PSORS1C1: variants seen among roughly 807,000 people sequenced by gnomAD.
PSORS1C1 encodes the protein psoriasis susceptibility 1 candidate gene 1 protein.
A neutral mutation model predicts 9.4 loss-of-function variants in PSORS1C1; 7 were observed. That is an observed-to-expected ratio of 0.75 (90% CI 0.42 to 1.40). The LOEUF (loss-of-function observed/expected upper bound fraction) is 1.40. Ranked by LOEUF, PSORS1C1 falls within the 40% of genes most tolerant of loss-of-function variation. The pLI is 0.01. For synonymous variants in PSORS1C1, 63 were observed against 69.4 expected, an observed-to-expected ratio of 0.91 and a Z score of 0.46; for missense variants, 146 against 178.1, an observed-to-expected ratio of 0.82 and a Z score of 1.02.
chr6:31,128,123 G>A lies in PSORS1C1; in HGVS notation c.-64-1446G>A, dbSNP rs1437510544. 6.6e-6 allele frequency among the ~76,000 whole-genome samples: 1 copy of A among 152,222 alleles called. No homozygotes were observed. The highest frequency in any genetic ancestry group is 1.5e-5 in the Non-Finnish European group (1 of 68,034). ...CCTGAATTTTCCTGAGGGCTTCAGA[G>A]CCTGTCTCGCCTCGCCTCACATGCC... On this transcript the variant is annotated intron_variant, in intron 2 of 5. Coordinates refer to ENST00000259881, the MANE Select transcript of PSORS1C1 (RefSeq NM_014068.3). This position sits in a 1 kb window ranked among gnomAD's most constrained non-coding sequence, Gnocchi z 4.3.
intron 3 of PSORS1C1, among the ~76,000 whole-genome samples, chr6:31,136,423 A>G (rs1477076553): frequency 1.3e-5 from 2 of 151,832 alleles, no homozygotes; most frequent in African/African-American, 4.8e-5. Flanking sequence ...AAGAAAATGA[A>G]TCTCTTAATG....
At chr6:31,122,012 G>A (rs1235833346) in intron 1 of PSORS1C1, among the ~76,000 whole-genome samples, 2 of 152,164 alleles carry the variant, frequency 1.3e-5, no homozygotes, top group African/African-American at 4.8e-5. Context: ...AGAGAGGAAG[G>A]GATAGGACAG....
chr6:31,128,862 A>G lies in PSORS1C1; in HGVS notation c.-64-707A>G, dbSNP rs1055901001. Among the ~76,000 whole-genome samples the G allele has an allele frequency of 6.6e-6, 1 of 152,180 alleles. No homozygotes were observed. Among genetic ancestry groups the G allele is most frequent in the African/African-American group, 2.4e-5 (1 of 41,430 alleles). On this transcript the variant is annotated intron_variant, in intron 2 of 5. Coordinates refer to ENST00000259881, the MANE Select transcript of PSORS1C1 (RefSeq NM_014068.3). The surrounding 1 kb of genome is among the most constrained non-coding windows in gnomAD (Gnocchi z 4.3). ...ATCAAATTTTATTGTCATGATGTAT[A>G]TGTTTGTCCTCCCTAAACACAGAGC...
chr6:31,137,084 G>T (rs1477490301), intron 3 of PSORS1C1, among the ~76,000 whole-genome samples: 2 of 151,134 alleles, frequency 1.3e-5, no homozygotes, highest in Non-Finnish European at 3.0e-5. Context: ...GGAGGCGGAG[G>T]TTGCAGTGAG....
At chr6:31,119,934 A>G (rs1660126249) in intron 1 of PSORS1C1, among the ~76,000 whole-genome samples, 1 of 152,074 alleles carries the variant, frequency 6.6e-6, no homozygotes, top group African/African-American at 2.4e-5. Context: ...AAAAGTTCTA[A>G]TATATAATCC....
Position 31,139,368 on chromosome 6 carries a change from T to C in PSORS1C1, c.168-273T>C, listed in dbSNP as rs539935873. Reference sequence around the variant, plus strand: ...GTAATCACAGAGATGTCCACCTTCATCCCTTGCAACTATTGGAAGCCAAAG... The same window carrying C: ...GTAATCACAGAGATGTCCACCTTCACCCCTTGCAACTATTGGAAGCCAAAG... On this transcript the variant is annotated intron_variant, in intron 5 of 5. Transcript: ENST00000259881. This position sits in a 1 kb window ranked among gnomAD's most constrained non-coding sequence, Gnocchi z 5.2. 1.7e-6 allele frequency: 1 copy of C among 590,418 alleles called. No individual in the cohort carries two copies. Among genetic ancestry groups the C allele is most frequent in the Non-Finnish European group, 3.0e-6 (1 of 331,328 alleles). 36.6% of individuals were successfully genotyped at this position (590,418 alleles called of 1,614,324 possible).
Position 31,139,698 on chromosome 6 carries a change from G to A in PSORS1C1, c.225G>A (p.Gln75=). The change falls in exon 6 of 6, where the codon CAG becomes CAA. Residue 75 remains glutamine (Q), a synonymous_variant. Transcript: ENST00000259881. This position sits in a 1 kb window ranked among gnomAD's most constrained non-coding sequence, Gnocchi z 5.2. ...AGGAATTCCATCTGGCAGCCACCCA[G>A]GATGACTGCAGAAAAGGAAGGACAC... The part of the protein sequence containing the change: ...ISKEFHLAAT[Q]DDCRKGRTQE... The A allele has an allele frequency of 6.2e-7, 1 of 1,613,016 alleles. No individual in the cohort carries two copies. Among genetic ancestry groups the A allele is most frequent in the South Asian group, 1.1e-5 (1 of 91,080 alleles).
intron 2 of PSORS1C1, among the ~76,000 whole-genome samples, chr6:31,126,839 TAGGGC>T (rs1370464128): frequency 6.8e-6 from 1 of 147,190 alleles, no homozygotes; most frequent in Non-Finnish European, 1.5e-5. Flanking sequence ...GAGTCAGCTG[TAGGGC>T]AGTCGCTCCC....
chr6:31,118,837 C>CTTTTTTTTTTTTTTTTTTTTTTTTTTT lies in PSORS1C1; in HGVS notation c.-229+3948_-229+3949insTTTTTTTTTTTTTTTTTTTTTTTTTTT, dbSNP rs201665595. The CTTTTTTTTTTTTTTTTTTTTTTTTTTT allele has an allele frequency of 3.2e-5, 3 of 92,490 alleles. 1 individual carries two copies. Among genetic ancestry groups the CTTTTTTTTTTTTTTTTTTTTTTTTTTT allele is most frequent in the Non-Finnish European group, 4.1e-5 (2 of 48,996 alleles). 5.7% of individuals were successfully genotyped at this position (92,490 alleles called of 1,614,324 possible). A position where few individuals can be genotyped will look rare whatever the true frequency, so the allele number is the denominator to read the frequency against. On this transcript the variant is annotated intron_variant, in intron 1 of 5. Transcript: ENST00000259881. ...ATCATCCACCTGGAAGTTTTTTCTT[C>CTTTTTTTTTTTTTTTTTTTTTTTTTTT]TTCTTCTTTTTTTTTTTTTTTTTTG...
Position 31,129,296 on chromosome 6 carries a change from C to T in PSORS1C1, c.-64-273C>T, listed in dbSNP as rs188107168. On this transcript the variant is annotated intron_variant, in intron 2 of 5. Coordinates refer to ENST00000259881, the MANE Select transcript of PSORS1C1 (RefSeq NM_014068.3). ...TTCCGTGACTCTGTGTTGACATAGACGTGACGGTGTCCCTGGGGCATTTAC... is the reference window on the plus strand; with the variant it reads ...TTCCGTGACTCTGTGTTGACATAGATGTGACGGTGTCCCTGGGGCATTTAC... Among the ~76,000 whole-genome samples the T allele has an allele frequency of 6.6e-4, 100 of 152,240 alleles. No individual in the cohort carries two copies. The East Asian group carries it at 7.9e-3, about 12-fold the overall frequency.
At chr6:31,133,900 C>T (rs767305897) in intron 3 of PSORS1C1, among the ~76,000 whole-genome samples, 66 of 152,196 alleles carry the variant, frequency 4.3e-4, no homozygotes, top group Non-Finnish European at 8.4e-4. Context: ...CTAGGCTCAA[C>T]CTACAATTCT....
At chr6:31,126,979 T>C (rs1353051947) in intron 2 of PSORS1C1, among the ~76,000 whole-genome samples, 1 of 152,188 alleles carries the variant, frequency 6.6e-6, no homozygotes, top group South Asian at 2.1e-4. Flanking sequence ...CTCTCTGTCC[T>C]GCGGAGTGAG....
chr6:31,117,696 T>C (rs1772242915), intron 1 of PSORS1C1: 1 of 641,164 alleles, frequency 1.6e-6, no homozygotes, highest in Non-Finnish European at 2.7e-6. Context: ...CTAAAGGATA[T>C]TGAGGTGGCC....
Position 31,139,501 on chromosome 6 carries a change from C to A in PSORS1C1, c.168-140C>A. On this transcript the variant is annotated intron_variant, in intron 5 of 5. Transcript: ENST00000259881. The surrounding 1 kb of genome is among the most constrained non-coding windows in gnomAD (Gnocchi z 5.2). ...GGTGCTTTTCAAACCTGGGATGCAG[C>A]TGGGACAGTGTCAGCTACTACCCCA... 1 of 747,496 alleles carries A rather than the reference C, an allele frequency of 1.3e-6. No individual in the cohort carries two copies. Among genetic ancestry groups the A allele is most frequent in the African/African-American group, 1.8e-5 (1 of 56,968 alleles). The allele number at this position is 747,496 out of a possible 1,614,324, so 46.3% of individuals were successfully genotyped here.
intron 3 of PSORS1C1, among the ~76,000 whole-genome samples, chr6:31,137,176 G>T (rs1773181089): frequency 6.7e-6 from 1 of 149,150 alleles, no homozygotes; most frequent in Admixed American, 6.8e-5. Flanking sequence ...GAAGAAAGAG[G>T]CCGGGCGCTG....
chr6:31,117,171 C>G, intron 1 of PSORS1C1: 2 of 1,611,658 alleles, frequency 1.2e-6, no homozygotes, highest in African/African-American at 2.7e-5. Context: ...TGCTGCTTCC[C>G]GAGTGAGAGC....
intron 3 of PSORS1C1, among the ~76,000 whole-genome samples, chr6:31,135,356 C>G (rs1375800736): frequency 1.3e-5 from 2 of 152,074 alleles, no homozygotes; most frequent in Non-Finnish European, 2.9e-5. Context: ...CATGCCCTAG[C>G]TTCCCGAGTA....
intron 3 of PSORS1C1, 30 bp from the exon 4 acceptor site, chr6:31,138,400 T>A (rs1265098): frequency 4.3e-6 from 7 of 1,610,922 alleles, no homozygotes; most frequent in Non-Finnish European, 5.9e-6. Flanking sequence ...CCTGTCTGGA[T>A]GGACGCAGCC....
intron 1 of PSORS1C1, chr6:31,116,763 G>A (rs1385089126): frequency 6.2e-6 from 10 of 1,613,120 alleles, no homozygotes; most frequent in Non-Finnish European, 8.5e-6. Flanking sequence ...AGGTGATTGG[G>A]GGACAGGGCT....
Sources: allele counts gnomAD v4.1 joint callset (sites outside exome capture counted in the v4.1 genomes callset), GRCh38; gene constraint gnomAD v4.1.1; non-coding constraint Gnocchi (gnomAD v3.1); transcripts MANE v1.5; gene names NCBI Gene and HGNC (gene_info 2026-07-23, HGNC 2026-07-21).